TEP1: variants seen among roughly 807,000 people sequenced by gnomAD.
TEP1 encodes telomerase associated protein 1.
A neutral mutation model predicts 306.3 loss-of-function variants in TEP1; 241 were observed. That is an observed-to-expected ratio of 0.79 (90% CI 0.71 to 0.88). The LOEUF (loss-of-function observed/expected upper bound fraction) is 0.88, where lower values mean the gene tolerates loss of function less well. TEP1 is among the 40% of genes least tolerant of loss of function. The pLI is 0.00. For missense variants in TEP1, 3,051 were observed against 3,276.1 expected, an observed-to-expected ratio of 0.93 and a Z score of 1.68; for synonymous variants, 1,289 against 1,305.5, an observed-to-expected ratio of 0.99 and a Z score of 0.27.
rs751256043 is a variant in TEP1, at chr14:20,378,234, G to A, written c.5511C>T (p.Asp1837=). 5 of 1,613,422 alleles carry A rather than the reference G, an allele frequency of 3.1e-6. No homozygotes were observed. Among genetic ancestry groups the A allele is most frequent in the Non-Finnish European group, 2.5e-6 (3 of 1,180,034 alleles). The part of the protein sequence containing the change: ...FQVDGLKVTK[D]LGAPGASIRT... Reference sequence around the variant, plus strand: ...GGATAGAGGCTCCGGGTGCCCCCAGGTCCTACACAGGGAGGTAGAAATGGA... The same window carrying A: ...GGATAGAGGCTCCGGGTGCCCCCAGATCCTACACAGGGAGGTAGAAATGGA... The change falls in exon 39 of 55, where the codon GAC becomes GAT. Residue 1837 remains aspartate (D), a splice_region_variant and synonymous_variant. Transcript: ENST00000262715.
chr14:20,398,757 G>C (rs190419608), intron 9 of TEP1, among the ~76,000 whole-genome samples: 1 of 152,136 alleles, frequency 6.6e-6, no homozygotes, highest in Non-Finnish European at 1.5e-5. Context: ...CGGTCAGTCC[G>C]TCACCATGCC....
rs1393820969 is a variant in TEP1, at chr14:20,382,032, C to T, written c.4305G>A (p.Leu1435=). The T allele has an allele frequency of 1.2e-6, 2 of 1,614,196 alleles. No homozygotes were observed. ...GLTVDQLHGV[L]SVWRTLPKGT... ...CCTTCGGTAGTGTCCGCCACACACTCAGCACTCCGTGCAGCTGGTCCACAG... is the reference window on the plus strand; with the variant it reads ...CCTTCGGTAGTGTCCGCCACACACTTAGCACTCCGTGCAGCTGGTCCACAG... The change falls in exon 30 of 55, where the codon CTG becomes CTA. Residue 1435 remains leucine, a synonymous_variant. Transcript: ENST00000262715.
Position 20,377,279 on chromosome 14 carries a change from C to A in TEP1, c.6088+1G>T. 6.2e-7 allele frequency: 1 copy of A among 1,609,808 alleles called. No homozygotes were observed. The highest frequency in any genetic ancestry group is 1.1e-5 in the South Asian group (1 of 90,922). ...TAACCCTGCCCACTGTCTAGTAGTA[C>A]CTGAGGCAGAAGCCAAGAGCTCCTG... is the stretch of plus-strand genomic sequence containing the variant. On this transcript the variant is annotated splice_donor_variant, in intron 41 of 54. Coordinates refer to ENST00000262715, the MANE Select transcript of TEP1 (RefSeq NM_007110.5). LOFTEE classifies it high-confidence loss of function.
chr14:20,382,040 C>G lies in TEP1; in HGVS notation c.4297G>C (p.Gly1433Arg). 6.2e-7 allele frequency: 1 copy of G among 1,614,180 alleles called. No individual in the cohort carries two copies. The highest frequency in any genetic ancestry group is 8.5e-7 in the Non-Finnish European group (1 of 1,180,018). The change falls in exon 30 of 55, where the codon GGA becomes CGA. Residue 1433 changes from glycine (G) to arginine (R), a missense_variant. Physicochemically the swap from Gly to Arg is moderately radical, Grantham distance 125. This residue lies in a region of TEP1 where 1,540 missense variants were observed against 1,705.9 expected (regional missense o/e 0.90). Coordinates refer to ENST00000262715, the MANE Select transcript of TEP1 (RefSeq NM_007110.5). The part of the protein sequence containing the change: ...RSGLTVDQLH[G>R]VLSVWRTLPK... Reference sequence around the variant, plus strand: ...AGTGTCCGCCACACACTCAGCACTCCGTGCAGCTGGTCCACAGTCAAACCT... The same window carrying G: ...AGTGTCCGCCACACACTCAGCACTCGGTGCAGCTGGTCCACAGTCAAACCT...
rs1594382833 is a variant in TEP1 at position 20,410,443 on chromosome 14, G to A, written c.-24-1980C>T. ...CATAGTGAGACTCCTTTTTTTTTGA[G>A]ACAGAGTCTTGCTCTGTCACCCAGG... On this transcript the variant is annotated intron_variant, in intron 1 of 54. Transcript: ENST00000262715. Among the ~76,000 whole-genome samples, 3 of 151,796 alleles carry A rather than the reference G, an allele frequency of 2.0e-5. No homozygotes were observed. In the South Asian group the frequency reaches 6.2e-4, roughly 31 times the overall value.
At chr14:20,378,588 T>G (rs1885341057) in intron 37 of TEP1, 53 bp from the exon 38 acceptor site, 2 of 1,611,470 alleles carry the variant, frequency 1.2e-6, no homozygotes, top group Non-Finnish European at 8.5e-7. Context: ...CCTGAACTTC[T>G]CAGTCCCAGA....
rs1391604560 is a variant in TEP1 at position 20,372,748 on chromosome 14, G to A, written c.7061C>T (p.Ala2354Val). ...EWQVKLRKGSAPGNLSLHLNR... is the reference protein window; with the variant it reads ...EWQVKLRKGSVPGNLSLHLNR... ...CCTGTTTCACCTCAAATTTCCGGGT[G>A]CCGAACCCTTCCGCAGTTTCACTTG... Residue 2354 changes from alanine (A) to valine (V), a missense_variant, in exon 49 of 55, where the codon GCA becomes GTA. Around this residue, in one of 3 missense-constraint regions of TEP1, gnomAD observed 1,540 missense variants for 1,705.9 expected, o/e 0.90. Coordinates refer to ENST00000262715, the MANE Select transcript of TEP1 (RefSeq NM_007110.5). 6.2e-7 allele frequency: 1 copy of A among 1,614,090 alleles called. No individual in the cohort carries two copies. The highest frequency in any genetic ancestry group is 1.7e-5 in the Admixed American group (1 of 60,018).
In TEP1 at chr14:20,383,372, G is replaced by A. The variant is rs773590007; in HGVS notation, c.3868-19C>T. On this transcript the variant is annotated intron_variant, in intron 26 of 54. Coordinates refer to ENST00000262715, the MANE Select transcript of TEP1 (RefSeq NM_007110.5). ...GTACACACTGTGATATTTGGGCAAA[G>A]GGGCAGGAAGGTAGAAAGAAAAGGA... The A allele has an allele frequency of 5.0e-6, 8 of 1,599,910 alleles. No homozygotes were observed. In the Admixed American group the frequency reaches 5.1e-5, roughly 10 times the overall value.
intron 9 of TEP1, among the ~76,000 whole-genome samples, chr14:20,399,603 C>T (rs1349173485): frequency 1.5e-5 from 2 of 137,124 alleles, no homozygotes; most frequent in African/African-American, 2.8e-5. Context: ...TGGAGACCAG[C>T]CTTGGCAACA....
chr14:20,403,233 C>T (rs1289494218), intron 7 of TEP1, 144 bp downstream of exon 7: 1 of 902,276 alleles, frequency 1.1e-6, no homozygotes, highest in African/African-American at 1.7e-5. Flanking sequence ...ATGCCTTTCC[C>T]AGTGCTCTCA....
chr14:20,402,886 T>C (rs1439640448), intron 7 of TEP1, among the ~76,000 whole-genome samples: 18 of 152,104 alleles, frequency 1.2e-4, no homozygotes, highest in Non-Finnish European at 1.5e-5. Flanking sequence ...CAGCTGGGTG[T>C]GGTGGCTCAC....
chr14:20,386,224 G>T, intron 19 of TEP1, 29 bp from the exon 20 acceptor site: 1 of 1,613,484 alleles, frequency 6.2e-7, no homozygotes, highest in Non-Finnish European at 8.5e-7. Flanking sequence ...GGACGTGTGG[G>T]AGTCACTGGG....
In TEP1 at chr14:20,408,801, T is replaced by C. The variant is rs558277823; in HGVS notation, c.-24-338A>G. ...GGGCAACACGGTGAAACCTCATCTCTACAAAGTTTTAAAAAATAAAAAATA... is the reference window on the plus strand; with the variant it reads ...GGGCAACACGGTGAAACCTCATCTCCACAAAGTTTTAAAAAATAAAAAATA... On this transcript the variant is annotated intron_variant, in intron 1 of 54. Transcript: ENST00000262715. Among the ~76,000 whole-genome samples, 226 of 150,054 alleles carry C rather than the reference T, an allele frequency of 1.5e-3. 1 individual carries two copies. Among genetic ancestry groups the C allele is most frequent in the African/African-American group, 5.3e-3 (217 of 40,676 alleles).
rs375292734 is a variant in TEP1 at position 20,385,128 on chromosome 14, C to T, written c.2983-19G>A. The T allele has an allele frequency of 4.5e-5, 72 of 1,613,364 alleles. No homozygotes were observed. The highest frequency in any genetic ancestry group is 3.4e-4 in the Middle Eastern group (2 of 5,894). On this transcript the variant is annotated intron_variant, in intron 20 of 54. Transcript: ENST00000262715. ...GCTGGGCCTGCGGGGAGGACAGAGA[C>T]AGTGAGTTTAGTCCTAGGCCACAAT...
At chr14:20,404,915 C>T (rs1879053980) in intron 4 of TEP1, 143 bp from the exon 5 acceptor site, 1 of 916,754 alleles carries the variant, frequency 1.1e-6, no homozygotes, top group African/African-American at 1.7e-5. Flanking sequence ...GCCCAGGCCA[C>T]CTGACTTGGC....
chr14:20,384,260 C>T, intron 23 of TEP1, 28 bp from the exon 24 acceptor site: 2 of 1,610,828 alleles, frequency 1.2e-6, no homozygotes, highest in Non-Finnish European at 1.7e-6. Flanking sequence ...AGTGACTATC[C>T]ATGGTGCCAT....
In TEP1 at chr14:20,389,603, C is replaced by A. The variant is rs781769497; in HGVS notation, c.2465+7G>T. ...TGACACTGGGCAGGAAGTATAAGCA[C>A]CCTTACAGGTATTGTACCCTTCTTA... On this transcript the variant is annotated splice_region_variant and intron_variant, in intron 16 of 54. Coordinates refer to ENST00000262715, the MANE Select transcript of TEP1 (RefSeq NM_007110.5). 1 of 1,613,958 alleles carries A rather than the reference C, an allele frequency of 6.2e-7. No individual in the cohort carries two copies. Among genetic ancestry groups the A allele is most frequent in the Non-Finnish European group, 8.5e-7 (1 of 1,179,884 alleles).
chr14:20,388,040 G>A lies in TEP1; in HGVS notation c.2549C>T (p.Ser850Phe). Residue 850 changes from serine to phenylalanine, a missense_variant, in exon 18 of 55, where the codon TCC (serine) becomes TTC (phenylalanine). By Grantham distance (155) the Ser-to-Phe change is radical. Coordinates refer to ENST00000262715, the MANE Select transcript of TEP1 (RefSeq NM_007110.5). ...TTGGCCCACATGTTCCAGAAGATGG[G>A]AGGCCCCATGCTCTGCAATGAACCT... The part of the protein sequence containing the change: ...ILKFIAEHGA[S>F]HLLEHVGQMD... The A allele has an allele frequency of 1.2e-6, 2 of 1,614,134 alleles. No homozygotes were observed. Among genetic ancestry groups the A allele is most frequent in the Non-Finnish European group, 1.7e-6 (2 of 1,180,022 alleles).
rs2139085659 is a variant in TEP1, at chr14:20,386,432, C to G, written c.2861+15G>C. On this transcript the variant is annotated intron_variant, in intron 19 of 54. Transcript: ENST00000262715. ...TCATCCCCGACCCAGCCCCTCTTCT[C>G]TGCAGCCCCCACACCTGTTCCTACG... The G allele has an allele frequency of 1.3e-6, 2 of 1,588,620 alleles. No individual in the cohort carries two copies. Among genetic ancestry groups the G allele is most frequent in the African/African-American group, 1.3e-5 (1 of 74,438 alleles).
Sources: gnomAD v4.1 joint callset for allele counts (sites outside exome capture counted in the v4.1 genomes callset) on GRCh38, gnomAD v4.1.1 for gene constraint, gnomAD v4.1.1 regional missense constraint, MANE v1.5 for transcripts, NCBI Gene and HGNC (gene_info 2026-07-23, HGNC 2026-07-21) for gene names.